LZTS1: variants seen among roughly 807,000 people sequenced by gnomAD.
LZTS1 encodes leucine zipper putative tumor suppressor 1.
In LZTS1, 31 loss-of-function variants were observed where a neutral mutation model predicts 45.8. The ratio of observed to expected loss-of-function variants is 0.68; its 90% CI spans 0.51 to 0.91. The LOEUF (loss-of-function observed/expected upper bound fraction) is 0.91. Among genes scored for constraint, LZTS1 ranks in the 40% least tolerant of loss-of-function variants. The pLI, the probability that LZTS1 is intolerant of heterozygous loss-of-function variation, is 0.00. For missense variants in LZTS1, 821 were observed against 788.9 expected, an observed-to-expected ratio of 1.04 and a Z score of -0.49; for synonymous variants, 359 against 357.3, an observed-to-expected ratio of 1.00 and a Z score of -0.05.
intron 1 of LZTS1, among the ~76,000 whole-genome samples, chr8:20,273,779 T>TA (rs150870996): frequency 0.57 from 80,342 of 140,914 alleles, 22,961 homozygotes; most frequent in Non-Finnish European, 0.63. Context: ...GTTATATTTG[T>TA]TTTTTTTTTT....
chr8:20,282,508 G>A (rs1333409806), intron 1 of LZTS1, among the ~76,000 whole-genome samples: 4 of 152,238 alleles, frequency 2.6e-5, no homozygotes, highest in Admixed American at 1.3e-4. Flanking sequence ...GGACTGTAAC[G>A]TAGCTCCTTC....
At position 20,255,129 on chromosome 8, in the gene LZTS1, C is replaced by A. The variant is rs1800064556; in HGVS notation, c.53G>T (p.Cys18Phe). 6.2e-7 allele frequency: 1 copy of A among 1,614,126 alleles called. No homozygotes were observed. The highest frequency in any genetic ancestry group is 8.5e-7 in the Non-Finnish European group (1 of 1,180,016). ...ISGHSFHSKH[C>F]RASQYKLRKS... The stretch of plus-strand genomic sequence containing the variant: ...GCGCAGCTTGTACTGCGAAGCCCGG[C>A]AGTGCTTGCTGTGGAAGCTGTGGCC... Residue 18 changes from cysteine (C) to phenylalanine (F), a missense_variant, in exon 2 of 4, where the codon TGC (cysteine) becomes TTC (phenylalanine). By Grantham distance (205) the Cys-to-Phe change is radical. Transcript: ENST00000381569.
chr8:20,260,672 T>C (rs924234862), intron 1 of LZTS1, among the ~76,000 whole-genome samples: 1 of 152,088 alleles, frequency 6.6e-6, no homozygotes, highest in South Asian at 2.1e-4. Flanking sequence ...GCCAACAAGA[T>C]TGTAGGCACT....
At chr8:20,262,420 G>T (rs1354207018) in intron 1 of LZTS1, among the ~76,000 whole-genome samples, 2 of 152,182 alleles carry the variant, frequency 1.3e-5, no homozygotes, top group Non-Finnish European at 2.9e-5. Context: ...ACAGGTGTGT[G>T]AGTGTGTGTT....
Position 20,246,740 on chromosome 8 carries a change from G to C in LZTS1, c.*2982C>G, listed in dbSNP as rs550963609. 6.5e-6 allele frequency: 1 copy of C among 152,768 alleles called. No homozygotes were observed. The highest frequency in any genetic ancestry group is 2.1e-4 in the South Asian group (1 of 4,836). The allele number at this position is 152,768 out of a possible 1,614,324, so 9.5% of individuals were successfully genotyped here. A position where few individuals can be genotyped will look rare whatever the true frequency, so the allele number is the denominator to read the frequency against. On this transcript the variant is annotated 3_prime_UTR_variant, in exon 4 of 4. Transcript: ENST00000381569. The stretch of plus-strand genomic sequence containing the variant: ...CCCGTGACAGTCCAGTCGTTCCCAG[G>C]TCCAGGGGCAGAGTCCGATCCTTGG...
rs2128890021 is a variant in LZTS1 at position 20,247,297 on chromosome 8, A to T, written c.*2425T>A. 3 of 151,478 alleles carry T rather than the reference A, an allele frequency of 2.0e-5. 1 individual carries two copies. The East Asian group carries it at 6.0e-4, about 30-fold the overall frequency. The allele number at this position is 151,478 out of a possible 1,614,324, so 9.4% of individuals were successfully genotyped here. A position where few individuals can be genotyped will look rare whatever the true frequency, so the allele number is the denominator to read the frequency against. On this transcript the variant is annotated 3_prime_UTR_variant, in exon 4 of 4. Transcript: ENST00000381569. ...CTGGGTGTGGCAGCCACTTCTTCTCAGGCAACGTCTGAGGCAGAGCACTGG... is the reference window on the plus strand; with the variant it reads ...CTGGGTGTGGCAGCCACTTCTTCTCTGGCAACGTCTGAGGCAGAGCACTGG...
chr8:20,293,577 C>A (rs1014960416), intron 1 of LZTS1, among the ~76,000 whole-genome samples: 2 of 152,176 alleles, frequency 1.3e-5, no homozygotes, highest in East Asian at 1.9e-4. Context: ...TCATCTTGCA[C>A]CTGAGCGTAG....
In LZTS1 at chr8:20,303,750, C is replaced by A; in HGVS notation, c.-145G>T. On this transcript the variant is annotated 5_prime_UTR_variant, in exon 1 of 4. Transcript: ENST00000381569. ...GCCACCGCACCTTACCTGCCCCCTG[C>A]GCCTCGGGCGCACTTGAGACTTTTT... is the stretch of plus-strand genomic sequence containing the variant. 1.0e-6 allele frequency: 1 copy of A among 985,266 alleles called. No homozygotes were observed. Among genetic ancestry groups the A allele is most frequent in the Non-Finnish European group, 1.2e-6 (1 of 830,142 alleles). 61.0% of individuals were successfully genotyped at this position (985,266 alleles called of 1,614,324 possible). A position where few individuals can be genotyped will look rare whatever the true frequency, so the allele number is the denominator to read the frequency against.
rs542198167 is a variant in LZTS1 at position 20,300,066 on chromosome 8, G to A, written c.-135+3674C>T. Among the ~76,000 whole-genome samples, 186 of 152,250 alleles carry A rather than the reference G, an allele frequency of 1.2e-3. No homozygotes were observed. In the South Asian group the frequency reaches 0.014, roughly 11 times the overall value. On this transcript the variant is annotated intron_variant, in intron 1 of 3. Transcript: ENST00000381569. Reference sequence around the variant, plus strand: ...GGTTGATTGACCTGGAGATAGAGTGGGTGGGGGCGAGTGTTCCCTCGGACT... The same window carrying A: ...GGTTGATTGACCTGGAGATAGAGTGAGTGGGGGCGAGTGTTCCCTCGGACT...
intron 1 of LZTS1, among the ~76,000 whole-genome samples, chr8:20,303,074 T>C (rs1181594711): frequency 6.6e-6 from 1 of 152,136 alleles, no homozygotes; most frequent in Non-Finnish European, 1.5e-5. Context: ...TGGGGCTGTC[T>C]GTGTGTGCAT....
chr8:20,255,849 CAGA>C lies in LZTS1; in HGVS notation c.-134-537_-134-535del, dbSNP rs997635840. On this transcript the variant is annotated intron_variant, in intron 1 of 3. Coordinates refer to ENST00000381569, the MANE Select transcript of LZTS1 (RefSeq NM_021020.5). ...CAGCACTCTGGGAGGCTGAGGTGGGCAGATTGCTTGAGTCCAGGAGTTCGAGAC... is the reference window on the plus strand; with the variant it reads ...CAGCACTCTGGGAGGCTGAGGTGGGCTTGCTTGAGTCCAGGAGTTCGAGAC... Among the ~76,000 whole-genome samples, 37 of 151,944 alleles carry C rather than the reference CAGA, an allele frequency of 2.4e-4. No homozygotes were observed. In the South Asian group the frequency reaches 6.0e-3, roughly 25 times the overall value.
intron 1 of LZTS1, among the ~76,000 whole-genome samples, chr8:20,287,996 T>C (rs1800823720): frequency 6.8e-6 from 1 of 146,728 alleles, no homozygotes; most frequent in South Asian, 2.2e-4. Flanking sequence ...GGTGGGGTCC[T>C]CCACTCCTTT....
rs149086369 is a variant in LZTS1, at chr8:20,253,111, C to T, written c.820G>A (p.Glu274Lys). 1.2e-6 allele frequency: 2 copies of T among 1,611,316 alleles called. No individual in the cohort carries two copies. Among genetic ancestry groups the T allele is most frequent in the African/African-American group, 1.3e-5 (1 of 74,928 alleles). Reference sequence around the variant, plus strand: ...CGCTGCAGCTTCTGGAGGGCGCCCTCCCTCTCCAACAGCTTCTGCTCCAGC... The same window carrying T: ...CGCTGCAGCTTCTGGAGGGCGCCCTTCCTCTCCAACAGCTTCTGCTCCAGC... ...QELEQKLLER[E>K]GALQKLQRSF... The change falls in exon 3 of 4, where the codon GAG becomes AAG. Residue 274 changes from glutamate (E) to lysine (K), a missense_variant. By Grantham distance (56) the Glu-to-Lys change is moderately conservative (BLOSUM62 1). Transcript: ENST00000381569.
chr8:20,290,844 A>G (rs1309781483), intron 1 of LZTS1, among the ~76,000 whole-genome samples: 1 of 152,244 alleles, frequency 6.6e-6, no homozygotes, highest in Non-Finnish European at 1.5e-5. Context: ...AAGAAAGGAA[A>G]GGAGAATAAC....
At chr8:20,292,573 A>G (rs1334080352) in intron 1 of LZTS1, among the ~76,000 whole-genome samples, 2 of 152,238 alleles carry the variant, frequency 1.3e-5, no homozygotes, top group Non-Finnish European at 2.9e-5. Flanking sequence ...GAGAAACAAG[A>G]CAGAAGAGTG....
intron 1 of LZTS1, among the ~76,000 whole-genome samples, chr8:20,295,862 C>G (rs570352682): frequency 2.6e-5 from 4 of 152,152 alleles, no homozygotes; most frequent in Non-Finnish European, 5.9e-5. Context: ...AATGCCCCCC[C>G]AATCCAGTGT....
At chr8:20,298,381 C>T (rs970083081) in intron 1 of LZTS1, among the ~76,000 whole-genome samples, 7 of 152,246 alleles carry the variant, frequency 4.6e-5, no homozygotes, top group African/African-American at 9.6e-5. Flanking sequence ...CTTTCAAAGG[C>T]GCACTTGGTT....
chr8:20,276,381 A>C (rs867368103), intron 1 of LZTS1, among the ~76,000 whole-genome samples: 1 of 152,226 alleles, frequency 6.6e-6, no homozygotes, highest in Non-Finnish European at 1.5e-5. Flanking sequence ...GCTGAAGGTT[A>C]AGTTGATCAC....
At chr8:20,297,876 T>A (rs140435217) in intron 1 of LZTS1, among the ~76,000 whole-genome samples, 176 of 152,256 alleles carry the variant, frequency 1.2e-3, no homozygotes, top group African/African-American at 4.0e-3. Context: ...CTTATAATTT[T>A]AAAAATCTCT....
Sources: allele counts gnomAD v4.1 joint callset (sites outside exome capture counted in the v4.1 genomes callset), GRCh38; gene constraint gnomAD v4.1.1; transcripts MANE v1.5; gene names NCBI Gene and HGNC (gene_info 2026-07-23, HGNC 2026-07-21).